Variants in RALGAPA2 observed in about 807,000 individuals in gnomAD.
The protein encoded by RALGAPA2 is ral GTPase-activating protein subunit alpha-2.
RALGAPA2 carries 139 observed loss-of-function variants against 230.4 expected under a neutral mutation model. The observed-to-expected ratio is 0.60, with a 90% CI of 0.53 to 0.69. RALGAPA2 has a LOEUF of 0.69. Among genes scored for constraint, RALGAPA2 ranks in the 30% least tolerant of loss-of-function variants. RALGAPA2 has a pLI of 0.00. For synonymous variants in RALGAPA2, 847 were observed against 837.8 expected, an observed-to-expected ratio of 1.01 and a Z score of -0.19; for missense variants, 2,163 against 2,276.0, an observed-to-expected ratio of 0.95 and a Z score of 1.01.
intron 3 of RALGAPA2, among the ~76,000 whole-genome samples, chr20:20,662,876 G>C (rs1001853802): frequency 6.6e-6 from 1 of 152,154 alleles, no homozygotes; most frequent in Non-Finnish European, 1.5e-5. Flanking sequence ...GGACAACAGG[G>C]GTGAGCCAGG....
rs576629359 is a variant in RALGAPA2, at chr20:20,426,623, C to G, written c.5496-14475G>C. On this transcript the variant is annotated intron_variant, in intron 37 of 39. Transcript: ENST00000202677. ...TCTTAGAGGAAGGCTTAAGAAGCAA[C>G]AGGGCTCAAGTGTGAAGTTCAGGCA... Among the ~76,000 whole-genome samples the G allele has an allele frequency of 6.6e-5, 10 of 152,276 alleles. No homozygotes were observed. In the South Asian group the frequency reaches 2.1e-3, roughly 32 times the overall value.
Position 20,712,347 on chromosome 20 carries a change from C to T in RALGAPA2, c.106+28G>A. 2 of 1,543,976 alleles carry T rather than the reference C, an allele frequency of 1.3e-6. No individual in the cohort carries two copies. Among genetic ancestry groups the T allele is most frequent in the Non-Finnish European group, 1.7e-6 (2 of 1,143,624 alleles). On this transcript the variant is annotated intron_variant, in intron 1 of 39. Coordinates refer to ENST00000202677, the MANE Select transcript of RALGAPA2 (RefSeq NM_020343.4). The surrounding 1 kb of genome is among the most constrained non-coding windows in gnomAD (Gnocchi z 5.5). ...GGCAGGTGCCCCTAACCCGGCGCCCCGACCCCCGCGCCCGGCGCGCGCCTC... is the reference window on the plus strand; with the variant it reads ...GGCAGGTGCCCCTAACCCGGCGCCCTGACCCCCGCGCCCGGCGCGCGCCTC...
chr20:20,698,733 C>T (rs1401152104), intron 1 of RALGAPA2, among the ~76,000 whole-genome samples: 2 of 152,140 alleles, frequency 1.3e-5, no homozygotes, highest in Non-Finnish European at 2.9e-5. Context: ...GTGAATTTCA[C>T]ATCAATAAAA....
At chr20:20,396,786 G>A (rs1602246977) in intron 38 of RALGAPA2, 52 bp from the exon 39 acceptor site, 1 of 1,392,244 alleles carries the variant, frequency 7.2e-7, no homozygotes, top group Non-Finnish European at 1.0e-6. Flanking sequence ...CACCCCCACA[G>A]CTCCAACTTG....
chr20:20,618,083 A>G (rs1051694114), intron 12 of RALGAPA2, among the ~76,000 whole-genome samples: 5 of 152,214 alleles, frequency 3.3e-5, no homozygotes, highest in Admixed American at 2.0e-4. Flanking sequence ...ATGTTACTCA[A>G]AGACCTGCTG....
chr20:20,508,136 G>A (rs2062589822), intron 33 of RALGAPA2, among the ~76,000 whole-genome samples: 1 of 152,218 alleles, frequency 6.6e-6, no homozygotes, highest in Non-Finnish European at 1.5e-5. Flanking sequence ...CAATGTGAGT[G>A]TGAGGAAAGA....
chr20:20,591,288 T>C lies in RALGAPA2; in HGVS notation c.2230A>G (p.Asn744Asp), dbSNP rs769254856. The C allele has an allele frequency of 1.2e-6, 2 of 1,613,768 alleles. No homozygotes were observed. Among genetic ancestry groups the C allele is most frequent in the African/African-American group, 2.7e-5 (2 of 74,920 alleles). ...TGGCCAGATCCGGCTGCAGGTGCAT[T>C]TTCTGACTGTTGACACTCCTCCACT... Reference protein sequence around the residue: ...TEVEECQQSENAPAAGSGHLT... With the variant: ...TEVEECQQSEDAPAAGSGHLT... Residue 744 changes from asparagine (N) to aspartate (D), a missense_variant, in exon 17 of 40, where the codon AAT becomes GAT. Coordinates refer to ENST00000202677, the MANE Select transcript of RALGAPA2 (RefSeq NM_020343.4).
At chr20:20,400,352 C>T (rs909954150) in intron 38 of RALGAPA2, among the ~76,000 whole-genome samples, 32 of 152,046 alleles carry the variant, frequency 2.1e-4, no homozygotes, top group Admixed American at 6.5e-4. Flanking sequence ...GTTCAGAAGC[C>T]GAAAGCTGGG....
chr20:20,685,126 TA>T lies in RALGAPA2; in HGVS notation c.107-4326del, dbSNP rs78864409. Reference sequence around the variant, plus strand: ...ATATAACAGGAAGGCTTTGCTCAATTAAAAAAAAAAAAAGACAACTATGACC... The same window carrying T: ...ATATAACAGGAAGGCTTTGCTCAATTAAAAAAAAAAAAGACAACTATGACC... On this transcript the variant is annotated intron_variant, in intron 1 of 39. Coordinates refer to ENST00000202677, the MANE Select transcript of RALGAPA2 (RefSeq NM_020343.4). Among the ~76,000 whole-genome samples the T allele has an allele frequency of 5.0e-3, 707 of 141,378 alleles. 2 individuals are homozygous for T. Among genetic ancestry groups the T allele is most frequent in the African/African-American group, 5.8e-3 (223 of 38,702 alleles). 92.7% of individuals were successfully genotyped at this position (141,378 alleles called of 152,430 possible). A position where few individuals can be genotyped will look rare whatever the true frequency, so the allele number is the denominator to read the frequency against.
chr20:20,693,133 G>C (rs1292318659), intron 1 of RALGAPA2, among the ~76,000 whole-genome samples: 2 of 152,092 alleles, frequency 1.3e-5, no homozygotes, highest in African/African-American at 4.8e-5. Context: ...TTAGAAATCA[G>C]ATAAATAGTA....
At chr20:20,653,421 T>C in intron 4 of RALGAPA2, 109 bp downstream of exon 4, 1 of 685,034 alleles carries the variant, frequency 1.5e-6, no homozygotes, top group Non-Finnish European at 2.5e-6. Context: ...CATACCCTTA[T>C]TAATATTCCT....
At chr20:20,638,546 A>G (rs370871148) in intron 7 of RALGAPA2, among the ~76,000 whole-genome samples, 48 of 152,306 alleles carry the variant, frequency 3.2e-4, no homozygotes, top group Admixed American at 2.4e-3. Context: ...CCTCTATCCT[A>G]TATCAATTCC....
chr20:20,498,888 C>T (rs1414075334), intron 35 of RALGAPA2, among the ~76,000 whole-genome samples: 1 of 152,144 alleles, frequency 6.6e-6, no homozygotes. Context: ...AGCTCTGTCC[C>T]CACTCTGCAA....
intron 4 of RALGAPA2, among the ~76,000 whole-genome samples, chr20:20,645,149 C>G (rs866402564): frequency 8.8e-5 from 10 of 113,380 alleles, no homozygotes; most frequent in Admixed American, 2.7e-4. Flanking sequence ...GAGTCTTGCT[C>G]TGTCGCTCAG....
At position 20,588,404 on chromosome 20, in the gene RALGAPA2, G is replaced by T. The variant is rs1344867078; in HGVS notation, c.2439+864C>A. ...AAATTCAAAAGTAAGGACAACTAAA[G>T]AACATCCTGTTTAGAGATACATAGT... On this transcript the variant is annotated intron_variant, in intron 18 of 39. Transcript: ENST00000202677. Among the ~76,000 whole-genome samples, 4 of 152,126 alleles carry T rather than the reference G, an allele frequency of 2.6e-5. No individual in the cohort carries two copies. In the East Asian group the frequency reaches 7.7e-4, roughly 29 times the overall value.
At chr20:20,705,202 G>A (rs1302073555) in intron 1 of RALGAPA2, among the ~76,000 whole-genome samples, 1 of 152,184 alleles carries the variant, frequency 6.6e-6, no homozygotes, top group Admixed American at 6.5e-5. Context: ...AACAATGTTT[G>A]TGACTTGATT....
intron 37 of RALGAPA2, chr20:20,471,296 TAAAC>T (rs1489365783): frequency 6.6e-6 from 1 of 151,542 alleles, no homozygotes; most frequent in Non-Finnish European, 1.5e-5. Flanking sequence ...AAAGCAGTGT[TAAAC>T]AAAATAACAA....
intron 1 of RALGAPA2, among the ~76,000 whole-genome samples, chr20:20,704,011 T>C (rs921207947): frequency 7.2e-5 from 11 of 152,216 alleles, no homozygotes; most frequent in African/African-American, 2.2e-4. Flanking sequence ...AGATGTCCTT[T>C]TTTTAAGAGG....
intron 38 of RALGAPA2, 143 bp downstream of exon 38, chr20:20,411,884 C>T (rs1377227106): frequency 3.6e-6 from 4 of 1,109,128 alleles, no homozygotes; most frequent in Non-Finnish European, 5.1e-6. Flanking sequence ...TGAATGTCAT[C>T]ATTCCTTTTG....
Sources: allele counts gnomAD v4.1 joint callset (sites outside exome capture counted in the v4.1 genomes callset), GRCh38; gene constraint gnomAD v4.1.1; non-coding constraint Gnocchi (gnomAD v3.1); transcripts MANE v1.5; gene names NCBI Gene and HGNC (gene_info 2026-07-23, HGNC 2026-07-21).